The following SOX5 variants were observed in gnomAD, a reference collection of about 807,000 sequenced individuals.
SOX5 encodes SRY-box transcription factor 5, also known as transcription factor SOX-5.
In SOX5, 9 loss-of-function variants were observed where a neutral mutation model predicts 92.0. The ratio of observed to expected loss-of-function variants is 0.10; its 90% confidence interval spans 0.06 to 0.17. The LOEUF is 0.17. Ranked by LOEUF, SOX5 falls within the 10% of genes least tolerant of loss-of-function variation. The pLI is 1.00. For synonymous variants in SOX5, 344 were observed against 336.3 expected, an observed-to-expected ratio of 1.02 and a Z score of -0.25; for missense variants, 642 against 944.5, an observed-to-expected ratio of 0.68 and a Z score of 4.20.
intron 3 of SOX5, among the ~76,000 whole-genome samples, chr12:23,809,941 A>G (rs1374472482): frequency 6.6e-6 from 1 of 152,110 alleles, no homozygotes; most frequent in Non-Finnish European, 1.5e-5. Flanking sequence ...AAAATGTTCA[A>G]TAAAAGAGGA....
intron 1 of SOX5, among the ~76,000 whole-genome samples, chr12:24,540,310 A>C (rs1952009892): frequency 8.6e-6 from 1 of 115,986 alleles, no homozygotes. Flanking sequence ...AACTAATGCA[A>C]GGTAATGTGA....
chr12:23,973,903 C>G lies in SOX5; in HGVS notation c.-1-77879G>C, dbSNP rs147868165. On this transcript the variant is annotated intron_variant, in intron 4 of 4. Transcript: ENST00000446891. ...GAGAATCTAACTAATGCTTGATAAT[C>G]CGAGTGGAACAGTTTCATCCTGAAA... is the stretch of plus-strand genomic sequence containing the variant. 1.9e-3 allele frequency among the ~76,000 whole-genome samples: 284 copies of G among 152,282 alleles called. 2 individuals carry two copies. The highest frequency in any genetic ancestry group is 6.7e-3 in the African/African-American group (279 of 41,554).
chr12:23,760,201 A>C (rs1197315576), intron 3 of SOX5, among the ~76,000 whole-genome samples: 1 of 152,102 alleles, frequency 6.6e-6, no homozygotes, highest in East Asian at 1.9e-4. Flanking sequence ...TGCCAGATAC[A>C]ATTTTGTCAG....
rs750711833 is a variant in SOX5, at chr12:24,444,338, T to C, written c.-250-75699A>G. On this transcript the variant is annotated intron_variant, in intron 1 of 4. Coordinates refer to the SOX5 transcript ENST00000446891. ...CACGTGTGTGATTATCCCTACTCCA[T>C]AGATGAAGAAACTGAAGAAGCAGAT... Among the ~76,000 whole-genome samples, 5 of 151,660 alleles carry C rather than the reference T, an allele frequency of 3.3e-5. 1 individual carries two copies. Among genetic ancestry groups the C allele is most frequent in the Admixed American group, 3.3e-4 (5 of 15,214 alleles).
intron 1 of SOX5, among the ~76,000 whole-genome samples, chr12:24,429,569 T>C (rs925791722): frequency 2.0e-5 from 3 of 151,928 alleles, no homozygotes; most frequent in Admixed American, 2.0e-4. Context: ...ATGATTTATT[T>C]ACTTGGTGTT....
At chr12:24,180,975 G>A (rs1049816649) in intron 4 of SOX5, among the ~76,000 whole-genome samples, 5 of 152,066 alleles carry the variant, frequency 3.3e-5, no homozygotes, top group African/African-American at 7.3e-5. Flanking sequence ...TAAGCATCTC[G>A]CCATTAGAAT....
intron 1 of SOX5, among the ~76,000 whole-genome samples, chr12:24,457,540 T>C (rs1943154840): frequency 1.3e-5 from 2 of 152,194 alleles, no homozygotes; most frequent in South Asian, 4.1e-4. Flanking sequence ...GTTTTCATAG[T>C]AAGATAAGCC....
chr12:24,212,505 A>AAAAG, intron 4 of SOX5: 1 of 532,760 alleles, frequency 1.9e-6, no homozygotes, highest in Middle Eastern at 3.2e-4. Context: ...GGGAGGGGTT[A>AAAAG]CAAGGAAGGA....
At chr12:24,177,973 T>A (rs950692965) in intron 4 of SOX5, among the ~76,000 whole-genome samples, 1 of 152,208 alleles carries the variant, frequency 6.6e-6, no homozygotes, top group African/African-American at 2.4e-5. Context: ...GTTTCAAGGA[T>A]GAACATAGCA....
At chr12:24,429,317 AAAAAC>A (rs200341261) in intron 1 of SOX5, among the ~76,000 whole-genome samples, 17,432 of 151,762 alleles carry the variant, frequency 0.11, 1,198 homozygotes, top group South Asian at 0.17. Flanking sequence ...ACTCCATCTC[AAAAAC>A]AAAACAAAAC....
At chr12:24,202,334 C>A (rs990209370) in intron 4 of SOX5, among the ~76,000 whole-genome samples, 7 of 152,176 alleles carry the variant, frequency 4.6e-5, no homozygotes, top group Non-Finnish European at 7.4e-5. Context: ...CAATTTTTAT[C>A]TTCCAATTTA....
chr12:24,177,264 C>A (rs1954927058), intron 4 of SOX5, among the ~76,000 whole-genome samples: 1 of 152,118 alleles, frequency 6.6e-6, no homozygotes, highest in Non-Finnish European at 1.5e-5. Context: ...GCTTAAGATC[C>A]CATAGCTGGC....
At chr12:24,331,873 A>AAAAAAAT (rs777785887) in intron 2 of SOX5, among the ~76,000 whole-genome samples, 1 of 141,200 alleles carries the variant, frequency 7.1e-6, no homozygotes, top group Non-Finnish European at 1.6e-5. Flanking sequence ...AAAAAAAAAA[A>AAAAAAAT]AAGGAAAGAA....
At chr12:24,238,259 CAGAG>C (rs1164956719) in intron 3 of SOX5, among the ~76,000 whole-genome samples, 1 of 151,924 alleles carries the variant, frequency 6.6e-6, no homozygotes, top group African/African-American at 2.4e-5. Context: ...AGCAGAGAGG[CAGAG>C]AGAAAGAGAG....
chr12:24,332,070 G>A (rs948147169), intron 2 of SOX5, among the ~76,000 whole-genome samples: 2 of 151,738 alleles, frequency 1.3e-5, no homozygotes, highest in Non-Finnish European at 2.9e-5. Context: ...AAGCATAAAA[G>A]GAAGGATATT....
intron 3 of SOX5, among the ~76,000 whole-genome samples, chr12:23,837,980 T>A (rs12809746): frequency 8.0e-6 from 1 of 124,634 alleles, no homozygotes; most frequent in Non-Finnish European, 1.6e-5. Context: ...ATATAATATA[T>A]ATTTATATTT....
chr12:24,309,875 A>AT (rs1239778637), intron 2 of SOX5, among the ~76,000 whole-genome samples: 1 of 152,174 alleles, frequency 6.6e-6, no homozygotes, highest in Admixed American at 6.5e-5. Context: ...AACATGCCCT[A>AT]TCAGTACTAG....
chr12:23,701,871 A>G (rs1334510504), intron 6 of SOX5, among the ~76,000 whole-genome samples: 2 of 152,056 alleles, frequency 1.3e-5, no homozygotes, highest in Admixed American at 1.3e-4. Context: ...TCTCTTTGTT[A>G]TCACATACCC....
At chr12:23,976,817 GTTT>G (rs897225560) in intron 4 of SOX5, among the ~76,000 whole-genome samples, 9 of 147,806 alleles carry the variant, frequency 6.1e-5, no homozygotes, top group Non-Finnish European at 1.0e-4. Flanking sequence ...TGTTGTTGTT[GTTT>G]TTTTTTTTAA....
Sources: gnomAD v4.1 joint callset for allele counts (sites outside exome capture counted in the v4.1 genomes callset) on GRCh38, gnomAD v4.1.1 for gene constraint, MANE v1.5 for transcripts, NCBI Gene and HGNC (gene_info 2026-07-23, HGNC 2026-07-21) for gene names.